Variants in RYR1 observed in about 807,000 individuals in gnomAD.
The protein encoded by RYR1 is ryanodine receptor 1.
A neutral mutation model predicts 583.5 loss-of-function variants in RYR1; 342 were observed. That is an observed-to-expected ratio of 0.59 (90% CI 0.54 to 0.64). The LOEUF (loss-of-function observed/expected upper bound fraction) is 0.64. Among genes scored for constraint, RYR1 ranks in the 30% least tolerant of loss-of-function variants. The pLI is 0.00. For missense variants in RYR1, 6,032 were observed against 6,917.2 expected, an observed-to-expected ratio of 0.87 and a Z score of 4.54; for synonymous variants, 2,791 against 2,822.5, an observed-to-expected ratio of 0.99 and a Z score of 0.35.
At chr19:38,531,617 AC>A (rs1370154712) in intron 76 of RYR1, among the ~76,000 whole-genome samples, 1 of 152,018 alleles carries the variant, frequency 6.6e-6, no homozygotes, top group Non-Finnish European at 1.5e-5. Context: ...GAGTGCCTCC[AC>A]CATTAGCTCC....
intron 19 of RYR1, among the ~76,000 whole-genome samples, chr19:38,460,031 C>G (rs1172356750): frequency 6.6e-6 from 1 of 152,128 alleles, no homozygotes; most frequent in Non-Finnish European, 1.5e-5. Context: ...AAATGACCTT[C>G]TTATTGGTCT....
At chr19:38,572,424 T>TTGGGGTCTCCAGCAAGGATGAC (rs1973763574) in intron 95 of RYR1, among the ~76,000 whole-genome samples, 154 bp downstream of exon 95, 1 of 151,900 alleles carries the variant, frequency 6.6e-6, no homozygotes, top group South Asian at 2.1e-4. Flanking sequence ...GGGTACAGGA[T>TTGGGGTCTCCAGCAAGGATGAC]TGGGGTCTCC....
chr19:38,526,616 C>T (rs1224967745), intron 71 of RYR1, among the ~76,000 whole-genome samples: 5 of 150,592 alleles, frequency 3.3e-5, no homozygotes, highest in East Asian at 2.0e-4. Flanking sequence ...CGTTGACCTA[C>T]GTGATCCCCC....
intron 76 of RYR1, among the ~76,000 whole-genome samples, chr19:38,529,673 T>C (rs1051709421): frequency 6.6e-6 from 1 of 152,178 alleles, no homozygotes; most frequent in African/African-American, 2.4e-5. Flanking sequence ...AAAATCCATA[T>C]GTATGACAAA....
intron 16 of RYR1, among the ~76,000 whole-genome samples, chr19:38,457,289 C>T (rs1967463786): frequency 6.6e-6 from 1 of 152,016 alleles, no homozygotes; most frequent in African/African-American, 2.4e-5. Context: ...TGTGACCCTC[C>T]CTCAGCCTCT....
chr19:38,584,465 C>T (rs1209368347), intron 101 of RYR1, among the ~76,000 whole-genome samples: 1 of 93,786 alleles, frequency 1.1e-5, no homozygotes, highest in Non-Finnish European at 2.2e-5. Flanking sequence ...GGCCCTGACC[C>T]TTCTGCCTGT....
intron 80 of RYR1, 27 bp downstream of exon 80, chr19:38,535,247 G>T (rs142057636): frequency 4.3e-6 from 7 of 1,613,998 alleles, no homozygotes; most frequent in Middle Eastern, 3.3e-4. Flanking sequence ...GACTTCAGAA[G>T]AAGGCAAGGA....
intron 89 of RYR1, among the ~76,000 whole-genome samples, chr19:38,558,690 A>T (rs1972986004): frequency 6.6e-6 from 1 of 152,124 alleles, no homozygotes; most frequent in African/African-American, 2.4e-5. Context: ...GAGGCAGGAG[A>T]ATCGCTTGAA....
chr19:38,576,150 C>T (rs2145882682), intron 97 of RYR1, among the ~76,000 whole-genome samples, 189 bp downstream of exon 97: 1 of 152,198 alleles, frequency 6.6e-6, no homozygotes, highest in Admixed American at 6.5e-5. Context: ...TGAATGGGCA[C>T]ATGGAAAGAG....
rs374873603 is a variant in RYR1 at position 38,540,212 on chromosome 19, T to C, written c.11689+2252T>C. On this transcript the variant is annotated intron_variant, in intron 84 of 105. Coordinates refer to ENST00000359596, the MANE Select transcript of RYR1 (RefSeq NM_000540.3). ...GGACTTGGCTGGGCACTGTGGCTCATGCCTGTAATCCCAGCACTTTAGGAG... is the reference window on the plus strand; with the variant it reads ...GGACTTGGCTGGGCACTGTGGCTCACGCCTGTAATCCCAGCACTTTAGGAG... Among the ~76,000 whole-genome samples, 8 of 152,010 alleles carry C rather than the reference T, an allele frequency of 5.3e-5. No individual in the cohort carries two copies. In the East Asian group the frequency reaches 9.7e-4, roughly 18 times the overall value.
intron 49 of RYR1, among the ~76,000 whole-genome samples, chr19:38,503,220 C>T (rs1385413346): frequency 6.6e-6 from 1 of 152,172 alleles, no homozygotes; most frequent in Non-Finnish European, 1.5e-5. Flanking sequence ...AGTGAGCCAG[C>T]CCCCGCTTCA....
intron 61 of RYR1, 137 bp from the exon 62 acceptor site, chr19:38,511,935 G>A: frequency 2.9e-6 from 3 of 1,033,674 alleles, no homozygotes; most frequent in Non-Finnish European, 3.0e-6. Flanking sequence ...GGAGTCTGGG[G>A]GGGTGGGGGT....
intron 101 of RYR1, among the ~76,000 whole-genome samples, chr19:38,580,706 A>T (rs1202167190): frequency 3.9e-5 from 6 of 152,090 alleles, no homozygotes; most frequent in Non-Finnish European, 2.9e-5. Flanking sequence ...ATAAAAAAAA[A>T]TTTAAACGTT....
At chr19:38,468,083 T>TCCATCCATCCAA (rs1968217635) in intron 25 of RYR1, among the ~76,000 whole-genome samples, 1 of 119,242 alleles carries the variant, frequency 8.4e-6, no homozygotes, top group Non-Finnish European at 1.8e-5. Context: ...CATCCATCCA[T>TCCATCCATCCAA]CCATCCATCC....
chr19:38,545,233 G>C (rs566400606), intron 87 of RYR1, among the ~76,000 whole-genome samples: 5 of 152,290 alleles, frequency 3.3e-5, no homozygotes, highest in African/African-American at 9.6e-5. Flanking sequence ...CATGTGCTCT[G>C]ACTGTGGGAT....
rs1289959401 is a variant in RYR1 at position 38,481,689 on chromosome 19, G to A, written c.4621-1338G>A. Among the ~76,000 whole-genome samples, 3 of 152,322 alleles carry A rather than the reference G, an allele frequency of 2.0e-5. No individual in the cohort carries two copies. The East Asian group carries it at 5.8e-4, about 29-fold the overall frequency. ...CAGTTCCAGCTACCCTGGAGGCTGA[G>A]GCAGGAGGATCACCTGAGTCTGGGA... On this transcript the variant is annotated intron_variant, in intron 31 of 105. Coordinates refer to ENST00000359596, the MANE Select transcript of RYR1 (RefSeq NM_000540.3).
Position 38,506,929 on chromosome 19 carries a change from G to A in RYR1, c.8793G>A (p.Gln2931=). ...EKAQELLKFL[Q]MNGYAVTRGL... ...CCCAGGAGCTACTGAAATTCCTGCA[G>A]ATGAATGGCTACGCGGTTACAAGGC... The change falls in exon 57 of 106, where the codon CAG becomes CAA. Residue 2931 remains glutamine, a synonymous_variant. Transcript: ENST00000359596. 1.2e-6 allele frequency: 2 copies of A among 1,612,988 alleles called. No individual in the cohort carries two copies. The highest frequency in any genetic ancestry group is 1.7e-6 in the Non-Finnish European group (2 of 1,180,034).
In RYR1 at chr19:38,583,495, T is replaced by C. The variant is rs867338086; in HGVS notation, c.14647-1448T>C. Among the ~76,000 whole-genome samples the C allele has an allele frequency of 1.4e-5, 2 of 142,982 alleles. No individual in the cohort carries two copies. Among genetic ancestry groups the C allele is most frequent in the African/African-American group, 2.7e-5 (1 of 37,110 alleles). The allele number at this position is 142,982 out of a possible 152,430, so 93.8% of individuals were successfully genotyped here. On this transcript the variant is annotated intron_variant, in intron 101 of 105. Coordinates refer to ENST00000359596, the MANE Select transcript of RYR1 (RefSeq NM_000540.3). ...TCTGTCTCAAAAAAAAAAAAAAACA[T>C]ATGTAAAGTTGTTCCCAAATGCCAG...
Position 38,580,421 on chromosome 19 carries a change from G to T in RYR1, c.14563G>T (p.Val4855Leu), listed in dbSNP as rs528225943. ...GGTGGTCGTCTACCTGTACACCGTG[G>T]TGGCCTTCAACTTCTTCCGCAAGTT... is the stretch of plus-strand genomic sequence containing the variant. ...LAVVVYLYTV[V>L]AFNFFRKFYN... is the part of the protein sequence containing the mutation. Residue 4855 changes from valine to leucine, a missense_variant, in exon 101 of 106, where the codon GTG becomes TTG. Physicochemically the swap from Val to Leu is conservative, Grantham distance 32. Coordinates refer to ENST00000359596, the MANE Select transcript of RYR1 (RefSeq NM_000540.3). 15 of 1,614,164 alleles carry T rather than the reference G, an allele frequency of 9.3e-6. No homozygotes were observed. The African/African-American group carries it at 2.0e-4, about 22-fold the overall frequency.
Sources: gnomAD v4.1 joint callset for allele counts (sites outside exome capture counted in the v4.1 genomes callset) on GRCh38, gnomAD v4.1.1 for gene constraint, MANE v1.5 for transcripts, NCBI Gene and HGNC (gene_info 2026-07-23, HGNC 2026-07-21) for gene names.